The following TNS3 variants were observed in gnomAD, a reference collection of about 807,000 sequenced individuals.
TNS3 encodes tensin-3.
TNS3 carries 45 observed loss-of-function variants against 140.9 expected under a neutral mutation model. That is an observed-to-expected ratio of 0.32 (90% confidence interval 0.25 to 0.41). The LOEUF (loss-of-function observed/expected upper bound fraction) is 0.41, where lower values mean the gene tolerates loss of function less well. Ranked by LOEUF, TNS3 falls within the 10% of genes least tolerant of loss-of-function variation. The probability of loss-of-function intolerance (pLI) is 1.00; values close to 1 mark genes in which losing one functional copy is unlikely to be tolerated. For synonymous variants in TNS3, 815 were observed against 788.4 expected (o/e 1.03, Z -0.56); for missense variants, 1,716 against 1,906.7 (o/e 0.90, Z 1.86).
chr7:47,500,055 A>G (rs1202350672), intron 3 of TNS3, among the ~76,000 whole-genome samples: 2 of 152,124 alleles, frequency 1.3e-5, no homozygotes, highest in Non-Finnish European at 2.9e-5. Flanking sequence ...AATTTTAAAA[A>G]CCATTTTAAA....
intron 1 of TNS3, among the ~76,000 whole-genome samples, chr7:47,542,235 C>T (rs994104590): frequency 1.3e-5 from 2 of 152,172 alleles, no homozygotes; most frequent in Non-Finnish European, 2.9e-5. Context: ...TCAAGGTGAC[C>T]ATGACCTTGG....
intron 2 of TNS3, among the ~76,000 whole-genome samples, chr7:47,513,301 C>G (rs1192175936): frequency 6.6e-6 from 1 of 152,102 alleles, no homozygotes; most frequent in Non-Finnish European, 1.5e-5. Flanking sequence ...TCTAGGGTAG[C>G]TGGGACCATT....
Position 47,417,241 on chromosome 7 carries a change from G to C in TNS3, c.474-2035C>G, listed in dbSNP as rs528391682. Among the ~76,000 whole-genome samples the C allele has an allele frequency of 3.9e-5, 6 of 152,358 alleles. No homozygotes were observed. The East Asian group carries it at 1.2e-3, about 29-fold the overall frequency. On this transcript the variant is annotated intron_variant, in intron 10 of 30. Coordinates refer to ENST00000311160, the MANE Select transcript of TNS3 (RefSeq NM_022748.12). ...TGAGGGGCAAACAGCCATCCTCCGG[G>C]AAACCATGGCCTCTCCCTGACCCAG...
intron 1 of TNS3, among the ~76,000 whole-genome samples, chr7:47,533,429 C>CCTT (rs531596121): frequency 0.031 from 4,461 of 144,088 alleles, 97 homozygotes; most frequent in Non-Finnish European, 0.049. Flanking sequence ...CGCACCTGGC[C>CCTT]TTTTTTTTTT....
At chr7:47,402,479 C>T (rs912652677) in intron 13 of TNS3, among the ~76,000 whole-genome samples, 7 of 152,204 alleles carry the variant, frequency 4.6e-5, no homozygotes, top group African/African-American at 1.4e-4. Flanking sequence ...CACCTCTGTC[C>T]GAGACTGACT....
intron 1 of TNS3, among the ~76,000 whole-genome samples, chr7:47,575,769 G>A (rs898240567): frequency 1.2e-4 from 17 of 137,128 alleles, no homozygotes; most frequent in Admixed American, 1.2e-3. Flanking sequence ...CTTGCAGTAA[G>A]CTGAGATTGT....
chr7:47,340,995 T>G (rs1788978635), intron 20 of TNS3, among the ~76,000 whole-genome samples: 1 of 152,318 alleles, frequency 6.6e-6, no homozygotes, highest in Non-Finnish European at 1.5e-5. Context: ...TTGGATTGAC[T>G]GATATAGTCG....
intron 20 of TNS3, among the ~76,000 whole-genome samples, chr7:47,330,153 C>T (rs4724565): frequency 2.0e-5 from 3 of 151,876 alleles, no homozygotes; most frequent in African/African-American, 4.8e-5. Flanking sequence ...TCCCCGGGGA[C>T]GACAGGACCT....
chr7:47,425,095 G>A (rs984407937), intron 9 of TNS3, among the ~76,000 whole-genome samples: 5 of 152,204 alleles, frequency 3.3e-5, no homozygotes, highest in Non-Finnish European at 7.3e-5. Flanking sequence ...AAGGCGGGCG[G>A]ATCACCTGAG....
At chr7:47,581,021 G>T (rs1784518491) in intron 1 of TNS3, among the ~76,000 whole-genome samples, 1 of 152,166 alleles carries the variant, frequency 6.6e-6, no homozygotes, top group Admixed American at 6.5e-5. Context: ...ACCCTCAGTA[G>T]TGCTCTCTGC....
At chr7:47,509,082 G>T (rs1798516965) in intron 2 of TNS3, among the ~76,000 whole-genome samples, 1 of 152,216 alleles carries the variant, frequency 6.6e-6, no homozygotes, top group Non-Finnish European at 1.5e-5. Context: ...TAACTTTGGG[G>T]ATCATTTGTC....
chr7:47,479,472 C>T (rs1197211907), intron 4 of TNS3, among the ~76,000 whole-genome samples: 5 of 149,638 alleles, frequency 3.3e-5, no homozygotes, highest in African/African-American at 7.4e-5. Context: ...AGTCCCCCCA[C>T]GCCCCCTACT....
intron 10 of TNS3, among the ~76,000 whole-genome samples, chr7:47,421,966 G>A (rs1794394646): frequency 6.6e-6 from 1 of 152,116 alleles, no homozygotes; most frequent in South Asian, 2.1e-4. Context: ...GCAGCCTGCA[G>A]CGCACCCATC....
rs1267686036 is a variant in TNS3 at position 47,400,448 on chromosome 7, A to G, written c.864T>C (p.Phe288=). Reference sequence around the variant, plus strand: ...CTAATTCAACCTTCCCATAGTCAGGAAAACGGTCATCTGAAAAAAACAATG... The same window carrying G: ...CTAATTCAACCTTCCCATAGTCAGGGAAACGGTCATCTGAAAAAAACAATG... The part of the protein sequence containing the change: ...DLDNASKDDR[F]PDYGKVELVF... The change falls in exon 15 of 31, where the codon TTT becomes TTC. Residue 288 remains phenylalanine, a synonymous_variant. Coordinates refer to ENST00000311160, the MANE Select transcript of TNS3 (RefSeq NM_022748.12). 1 of 1,614,096 alleles carries G rather than the reference A, an allele frequency of 6.2e-7. No individual in the cohort carries two copies. The highest frequency in any genetic ancestry group is 1.3e-5 in the African/African-American group (1 of 75,054).
At position 47,411,811 on chromosome 7, in the gene TNS3, TGAA is replaced by T. The variant is rs763735568; in HGVS notation, c.648-12_648-10del. On this transcript the variant is annotated splice_polypyrimidine_tract_variant and intron_variant, in intron 12 of 30. Transcript: ENST00000311160. The stretch of plus-strand genomic sequence containing the variant: ...TTTCTGGGCCAACGTTGCTTTGGGA[TGAA>T]GAAGAAGGTAGATCATTATGCAACT... 26 of 1,612,680 alleles carry T rather than the reference TGAA, an allele frequency of 1.6e-5. No homozygotes were observed. In the Admixed American group the frequency reaches 3.7e-4, roughly 23 times the overall value.
intron 9 of TNS3, among the ~76,000 whole-genome samples, chr7:47,425,447 A>G (rs570134114): frequency 6.6e-6 from 1 of 152,348 alleles, no homozygotes; most frequent in Non-Finnish European, 1.5e-5. Flanking sequence ...GTAGAGAGAC[A>G]GGCAGGAGGA....
At chr7:47,327,687 G>T (rs934213922) in intron 20 of TNS3, among the ~76,000 whole-genome samples, 4 of 152,208 alleles carry the variant, frequency 2.6e-5, no homozygotes, top group Non-Finnish European at 5.9e-5. Flanking sequence ...TAGCCCTCCA[G>T]GCTCAAGGGC....
intron 17 of TNS3, among the ~76,000 whole-genome samples, chr7:47,353,989 CAA>C (rs1036375123): frequency 6.2e-5 from 6 of 96,070 alleles, no homozygotes; most frequent in Non-Finnish European, 1.2e-4. Context: ...ACACAGAGGA[CAA>C]AACACACACA....
intron 17 of TNS3, among the ~76,000 whole-genome samples, chr7:47,350,536 G>A (rs1168390338): frequency 6.6e-6 from 1 of 152,214 alleles, no homozygotes; most frequent in Admixed American, 6.5e-5. Flanking sequence ...CAGAGAAGAA[G>A]AGAGAGGGCA....
Sources: gnomAD v4.1 joint callset for allele counts (sites outside exome capture counted in the v4.1 genomes callset) on GRCh38, gnomAD v4.1.1 for gene constraint, MANE v1.5 for transcripts, NCBI Gene and HGNC (gene_info 2026-07-23, HGNC 2026-07-21) for gene names.